ALDH18A1: variants seen among roughly 807,000 people sequenced by gnomAD.
The protein encoded by ALDH18A1 is delta-1-pyrroline-5-carboxylate synthase.
Under a neutral mutation model 88.8 loss-of-function variants are expected in ALDH18A1, and 44 were observed. That is an observed-to-expected ratio of 0.50 (90% CI 0.39 to 0.64). The LOEUF (loss-of-function observed/expected upper bound fraction) is 0.64, where lower values mean the gene tolerates loss of function less well. Ranked by LOEUF, ALDH18A1 falls within the 30% of genes least tolerant of loss-of-function variation. ALDH18A1 has a pLI of 0.00. For synonymous variants in ALDH18A1, 331 were observed against 372.1 expected (o/e 0.89, Z 1.27); for missense variants, 782 against 1,009.5 (o/e 0.77, Z 3.05).
Position 95,656,647 on chromosome 10 carries a change from T to C in ALDH18A1, c.-79A>G, listed in dbSNP as rs117502632. ...CCCTGGCACTACCGCGGGTCCGCAC[T>C]CCACGCCGGGCTGATTCCGGCGCTC... On this transcript the variant is annotated 5_prime_UTR_variant, in exon 1 of 18. Coordinates refer to ENST00000371224, the MANE Select transcript of ALDH18A1 (RefSeq NM_002860.4). 5,142 of 152,814 alleles carry C rather than the reference T, an allele frequency of 0.034. 119 individuals are homozygous for C. The highest frequency in any genetic ancestry group is 0.049 in the Non-Finnish European group (3,360 of 68,402). The allele number at this position is 152,814 out of a possible 1,614,324, so 9.5% of individuals were successfully genotyped here. A position where few individuals can be genotyped will look rare whatever the true frequency, so the allele number is the denominator to read the frequency against.
intron 7 of ALDH18A1, among the ~76,000 whole-genome samples, chr10:95,631,085 C>T (rs2097868432): frequency 6.6e-6 from 1 of 152,038 alleles, no homozygotes; most frequent in Non-Finnish European, 1.5e-5. Context: ...TAACAGGGGA[C>T]TTTTGGAATC....
Position 95,647,369 on chromosome 10 carries a change from T to C in ALDH18A1, c.89-4163A>G, listed in dbSNP as rs2097902976. Among the ~76,000 whole-genome samples, 3 of 152,136 alleles carry C rather than the reference T, an allele frequency of 2.0e-5. No homozygotes were observed. In the South Asian group the frequency reaches 6.2e-4, roughly 32 times the overall value. ...CTGTCTCCTTAACTATCTCATAAGG[T>C]TGGTAGGGTGGATAAAACAAGTTCA... On this transcript the variant is annotated intron_variant, in intron 2 of 17. Coordinates refer to ENST00000371224, the MANE Select transcript of ALDH18A1 (RefSeq NM_002860.4).
chr10:95,610,242 A>C lies in ALDH18A1; in HGVS notation c.2161T>G (p.Trp721Gly). Residue 721 changes from tryptophan to glycine, a missense_variant, in exon 17 of 18, where the codon TGG (tryptophan) becomes GGG (glycine). This residue lies in a region of ALDH18A1 where 556 missense variants were observed against 654.5 expected (regional missense o/e 0.85). Transcript: ENST00000371224. ...LQHVDSACVF[W>G]NASTRFSDGY... ...TCAGAAAAGCGAGTGCTGGCATTCC[A>C]GAACACACAGGCACTGTCTACGTGC... 1 of 1,614,120 alleles carries C rather than the reference A, an allele frequency of 6.2e-7. No individual in the cohort carries two copies. The highest frequency in any genetic ancestry group is 8.5e-7 in the Non-Finnish European group (1 of 1,179,966).
intron 2 of ALDH18A1, among the ~76,000 whole-genome samples, chr10:95,644,799 C>T (rs2097898366): frequency 6.6e-6 from 1 of 152,200 alleles, no homozygotes; most frequent in African/African-American, 2.4e-5. Context: ...TTCCCTTCAT[C>T]CCCACTGCTT....
chr10:95,649,164 A>G (rs550311029), intron 2 of ALDH18A1, among the ~76,000 whole-genome samples: 1 of 152,184 alleles, frequency 6.6e-6, no homozygotes, highest in African/African-American at 2.4e-5. Context: ...AACTAGTATT[A>G]AAAGTTGAAA....
chr10:95,629,450 C>T (rs2097864938), intron 7 of ALDH18A1, among the ~76,000 whole-genome samples: 1 of 152,120 alleles, frequency 6.6e-6, no homozygotes, highest in African/African-American at 2.4e-5. Flanking sequence ...AATCAATGCC[C>T]ATTGTAGAGC....
chr10:95,615,842 T>A (rs1276432652), intron 13 of ALDH18A1, among the ~76,000 whole-genome samples: 2 of 152,208 alleles, frequency 1.3e-5, no homozygotes. Context: ...CTTGGGGAAT[T>A]ACTTTACCTC....
chr10:95,614,103 A>C lies in ALDH18A1; in HGVS notation c.1664T>G (p.Ile555Ser). 1 of 1,614,208 alleles carries C rather than the reference A, an allele frequency of 6.2e-7. No homozygotes were observed. Among genetic ancestry groups the C allele is most frequent in the East Asian group, 2.2e-5 (1 of 44,892 alleles). The change falls in exon 14 of 18, where the codon ATC becomes AGC. Residue 555 changes from isoleucine (I) to serine (S), a missense_variant. Physicochemically the swap from Ile to Ser is moderately radical, Grantham distance 142. Around this residue, in one of 3 missense-constraint regions of ALDH18A1, gnomAD observed 556 missense variants for 654.5 expected, o/e 0.85. Transcript: ENST00000371224. Reference protein sequence around the residue: ...LCRLDKMIDLIIPRGSSQLVR... With the variant: ...LCRLDKMIDLSIPRGSSQLVR... Reference sequence around the variant, plus strand: ...CAGCTGGGAAGAGCCACGTGGAATGATCAGATCTATCATTTTGTCTAGGCG... The same window carrying C: ...CAGCTGGGAAGAGCCACGTGGAATGCTCAGATCTATCATTTTGTCTAGGCG...
intron 1 of ALDH18A1, among the ~76,000 whole-genome samples, chr10:95,655,681 A>AGTGTGTGT (rs3838754): frequency 8.7e-5 from 13 of 150,278 alleles, no homozygotes; most frequent in Middle Eastern, 3.4e-3. Flanking sequence ...GAGCAAAGAG[A>AGTGTGTGT]GTGTGTGTGT....
intron 2 of ALDH18A1, among the ~76,000 whole-genome samples, chr10:95,647,663 T>C (rs576306876): frequency 1.3e-5 from 2 of 152,320 alleles, no homozygotes; most frequent in South Asian, 2.1e-4. Context: ...GCCCCATACC[T>C]TGGAGGAAGA....
chr10:95,632,428 C>T (rs1049932737), intron 7 of ALDH18A1, among the ~76,000 whole-genome samples: 2 of 152,180 alleles, frequency 1.3e-5, no homozygotes, highest in Non-Finnish European at 2.9e-5. Flanking sequence ...TGCAGTGGCA[C>T]GATAACAGCT....
chr10:95,626,507 T>C (rs2097860598), intron 10 of ALDH18A1, among the ~76,000 whole-genome samples, 196 bp downstream of exon 10: 1 of 152,026 alleles, frequency 6.6e-6, no homozygotes, highest in Non-Finnish European at 1.5e-5. Context: ...ATCTTGGACC[T>C]CTGTCTATAA....
intron 17 of ALDH18A1, 24 bp from the exon 18 acceptor site, chr10:95,606,967 AT>A: frequency 6.2e-7 from 1 of 1,610,960 alleles, no homozygotes; most frequent in South Asian, 1.1e-5. Flanking sequence ...TGAATAAAAG[AT>A]GTAGCTTTTC....
At chr10:95,647,782 G>A (rs934520504) in intron 2 of ALDH18A1, among the ~76,000 whole-genome samples, 4 of 152,176 alleles carry the variant, frequency 2.6e-5, no homozygotes, top group African/African-American at 7.2e-5. Flanking sequence ...ATCACATTTC[G>A]ACACAGTTGC....
At chr10:95,628,288 A>C (rs1284273619) in intron 8 of ALDH18A1, 80 bp downstream of exon 8, 1 of 1,600,208 alleles carries the variant, frequency 6.2e-7, no homozygotes, top group Non-Finnish European at 8.6e-7. Context: ...TTAACCCCCA[A>C]ATAATTACAA....
intron 3 of ALDH18A1, among the ~76,000 whole-genome samples, chr10:95,639,130 G>A (rs922618612): frequency 7.2e-5 from 11 of 152,090 alleles, no homozygotes; most frequent in East Asian, 5.8e-4. Context: ...CCAGGAATTC[G>A]AAACCAGCCT....
intron 7 of ALDH18A1, among the ~76,000 whole-genome samples, chr10:95,629,156 AC>A (rs2097864512): frequency 6.6e-6 from 1 of 152,190 alleles, no homozygotes; most frequent in Non-Finnish European, 1.5e-5. Context: ...AAGATGAAAA[AC>A]CCTCACAATT....
chr10:95,614,765 G>T (rs1259048498), intron 13 of ALDH18A1, among the ~76,000 whole-genome samples: 1 of 152,060 alleles, frequency 6.6e-6, no homozygotes, highest in Non-Finnish European at 1.5e-5. Context: ...TTCTCCACAT[G>T]GTCATATTAC....
chr10:95,625,458 A>G lies in ALDH18A1; in HGVS notation c.1153-3T>C. Reference sequence around the variant, plus strand: ...AGATGATGGATAATTTCTGCTCTCTAGAAGAAAGGTACACCATTAAAAAAA... The same window carrying G: ...AGATGATGGATAATTTCTGCTCTCTGGAAGAAAGGTACACCATTAAAAAAA... On this transcript the variant is annotated splice_region_variant and splice_polypyrimidine_tract_variant and intron_variant, in intron 10 of 17. Transcript: ENST00000371224. 6.2e-7 allele frequency: 1 copy of G among 1,612,348 alleles called. No individual in the cohort carries two copies. The highest frequency in any genetic ancestry group is 1.3e-5 in the African/African-American group (1 of 74,940).
Sources: gnomAD v4.1 joint callset for allele counts (sites outside exome capture counted in the v4.1 genomes callset) on GRCh38, gnomAD v4.1.1 for gene constraint, gnomAD v4.1.1 regional missense constraint, MANE v1.5 for transcripts, NCBI Gene and HGNC (gene_info 2026-07-23, HGNC 2026-07-21) for gene names.